Variants in LRMDA observed in about 807,000 individuals in gnomAD.
The protein encoded by LRMDA is leucine-rich melanocyte differentiation-associated protein.
LRMDA carries 18 observed loss-of-function variants against 29.8 expected under a neutral mutation model. The ratio of observed to expected loss-of-function variants is 0.60; its 90% CI spans 0.42 to 0.90. The LOEUF (loss-of-function observed/expected upper bound fraction) is 0.90, where lower values mean the gene tolerates loss of function less well. LRMDA is among the 40% of genes least tolerant of loss of function. LRMDA has a pLI of 0.00. For missense variants in LRMDA, 273 were observed against 273.9 expected, an observed-to-expected ratio of 1.00 and a Z score of 0.02; for synonymous variants, 125 against 109.4, an observed-to-expected ratio of 1.14 and a Z score of -0.89.
intron 6 of LRMDA, among the ~76,000 whole-genome samples, chr10:76,361,785 A>G (rs1018934684): frequency 1.1e-4 from 17 of 152,282 alleles, no homozygotes; most frequent in East Asian, 9.7e-4. Flanking sequence ...GGTTATGACT[A>G]TTATATGTTT....
At chr10:75,659,791 TC>T in intron 2 of LRMDA, among the ~76,000 whole-genome samples, 1 of 152,220 alleles carries the variant, frequency 6.6e-6, no homozygotes, top group African/African-American at 2.4e-5. Context: ...CTTAAGTGTC[TC>T]CCCCTCCTTC....
chr10:76,435,665 C>T (rs1589186149), intron 6 of LRMDA, among the ~76,000 whole-genome samples: 1 of 152,190 alleles, frequency 6.6e-6, no homozygotes, highest in Admixed American at 6.5e-5. Flanking sequence ...ATCACCCCCG[C>T]TCATCTTATT....
chr10:75,730,764 T>G (rs532237481), intron 2 of LRMDA, among the ~76,000 whole-genome samples: 4 of 152,230 alleles, frequency 2.6e-5, no homozygotes, highest in African/African-American at 7.2e-5. Flanking sequence ...GCACCTTGAG[T>G]TTTTTATATG....
intron 2 of LRMDA, among the ~76,000 whole-genome samples, chr10:75,882,129 G>A (rs568555067): frequency 9.8e-5 from 15 of 152,316 alleles, no homozygotes; most frequent in Admixed American, 2.6e-4. Context: ...GTGATTATGA[G>A]GAGGAACCGA....
chr10:76,243,744 G>A (rs1168005037), intron 5 of LRMDA, among the ~76,000 whole-genome samples: 4 of 152,180 alleles, frequency 2.6e-5, no homozygotes, highest in Non-Finnish European at 5.9e-5. Flanking sequence ...ACAACGTAGT[G>A]AGAAAATGAG....
intron 2 of LRMDA, among the ~76,000 whole-genome samples, chr10:75,797,337 G>T (rs1323922342): frequency 6.6e-6 from 1 of 151,964 alleles, no homozygotes. Context: ...TGTTATTTTA[G>T]AATTTTTCTC....
chr10:75,613,091 A>AACT (rs1296239436), intron 2 of LRMDA, among the ~76,000 whole-genome samples: 4 of 149,624 alleles, frequency 2.7e-5, no homozygotes, highest in Non-Finnish European at 4.4e-5. Context: ...CAGTGGGGAA[A>AACT]ACTGTAGACT....
Position 75,643,299 on chromosome 10 carries a change from G to A in LRMDA, c.131+204805G>A, listed in dbSNP as rs569120047. ...AAATGGACTCTAAATTCATTTGTTAGCAGTATGACATTGGAAAATATAATG... is the reference window on the plus strand; with the variant it reads ...AAATGGACTCTAAATTCATTTGTTAACAGTATGACATTGGAAAATATAATG... On this transcript the variant is annotated intron_variant, in intron 2 of 6. Transcript: ENST00000611255. Among the ~76,000 whole-genome samples the A allele has an allele frequency of 2.2e-4, 33 of 152,284 alleles. 1 individual carries two copies. The South Asian group carries it at 6.2e-3, about 29-fold the overall frequency.
intron 5 of LRMDA, among the ~76,000 whole-genome samples, chr10:76,067,316 CTTTA>C (rs1848801107): frequency 6.6e-6 from 1 of 152,110 alleles, no homozygotes; most frequent in African/African-American, 2.4e-5. Context: ...AAGATGGAGC[CTTTA>C]TTTGTCTTTA....
intron 6 of LRMDA, among the ~76,000 whole-genome samples, chr10:76,554,020 C>T (rs907440442): frequency 1.3e-5 from 2 of 152,102 alleles, no homozygotes; most frequent in African/African-American, 2.4e-5. Context: ...TGGGGTCGGG[C>T]GTGCTCCTCC....
chr10:76,236,414 A>T (rs762899437), intron 5 of LRMDA, among the ~76,000 whole-genome samples: 2 of 152,204 alleles, frequency 1.3e-5, no homozygotes, highest in Non-Finnish European at 2.9e-5. Flanking sequence ...AGAATTGCAG[A>T]TGCAGATTCT....
chr10:76,156,545 A>G (rs750822832), intron 5 of LRMDA, among the ~76,000 whole-genome samples: 1 of 150,180 alleles, frequency 6.7e-6, no homozygotes, highest in South Asian at 2.1e-4. Flanking sequence ...ATGGCCACAG[A>G]TGACAGGAAG....
chr10:76,127,313 G>A (rs1272835345), intron 5 of LRMDA, among the ~76,000 whole-genome samples: 2 of 152,192 alleles, frequency 1.3e-5, no homozygotes, highest in African/African-American at 4.8e-5. Context: ...CACATTCATA[G>A]TAGAAGCACT....
intron 5 of LRMDA, among the ~76,000 whole-genome samples, chr10:76,244,216 C>T (rs1362241297): frequency 6.6e-6 from 1 of 152,186 alleles, no homozygotes; most frequent in Non-Finnish European, 1.5e-5. Flanking sequence ...TTACACTTGT[C>T]TCTCAGTATC....
chr10:76,522,130 A>AT (rs1843127550), intron 6 of LRMDA, among the ~76,000 whole-genome samples: 1 of 152,138 alleles, frequency 6.6e-6, no homozygotes, highest in African/African-American at 2.4e-5. Context: ...ATTAACTGAA[A>AT]TTTTCAATAA....
At chr10:76,453,544 G>C (rs571168169) in intron 6 of LRMDA, among the ~76,000 whole-genome samples, 2 of 152,298 alleles carry the variant, frequency 1.3e-5, no homozygotes, top group African/African-American at 2.4e-5. Context: ...GGGCACATTT[G>C]TTTGCCATGC....
At chr10:75,751,174 G>C (rs982936827) in intron 2 of LRMDA, among the ~76,000 whole-genome samples, 3 of 152,216 alleles carry the variant, frequency 2.0e-5, no homozygotes, top group African/African-American at 7.2e-5. Context: ...AACCAGTCAG[G>C]CGTGGCGGCG....
intron 5 of LRMDA, among the ~76,000 whole-genome samples, chr10:76,224,667 C>CTTTTTT (rs35143239): frequency 2.8e-5 from 3 of 105,352 alleles, no homozygotes; most frequent in Admixed American, 1.1e-4. Context: ...GTCTAGGACT[C>CTTTTTT]TTTTTTTTTT....
chr10:75,964,146 G>A (rs1030942803), intron 2 of LRMDA, among the ~76,000 whole-genome samples: 5 of 152,104 alleles, frequency 3.3e-5, no homozygotes, highest in East Asian at 3.9e-4. Flanking sequence ...GAAGGAATGC[G>A]TTACAAATAA....
Sources: gnomAD v4.1 joint callset for allele counts (sites outside exome capture counted in the v4.1 genomes callset) on GRCh38, gnomAD v4.1.1 for gene constraint, MANE v1.5 for transcripts, NCBI Gene and HGNC (gene_info 2026-07-23, HGNC 2026-07-21) for gene names.